The following SZT2 variants were observed in gnomAD, a reference collection of about 807,000 sequenced individuals.
SZT2 encodes the protein KICSTOR complex protein SZT2.
SZT2 carries 216 observed loss-of-function variants against 404.2 expected under a neutral mutation model. That is an observed-to-expected ratio of 0.53 (90% CI 0.48 to 0.60). The LOEUF (loss-of-function observed/expected upper bound fraction) is 0.60. Ranked by LOEUF, SZT2 falls within the 20% of genes least tolerant of loss-of-function variation. SZT2 has a pLI of 0.00. For missense variants in SZT2, 3,857 were observed against 4,459.2 expected (o/e 0.86, Z 3.85); for synonymous variants, 1,693 against 1,749.9 (o/e 0.97, Z 0.81).
Position 43,452,123 on chromosome 1 carries a change from C to T in SZT2, c.*1643C>T. On this transcript the variant is annotated 3_prime_UTR_variant, in exon 72 of 72. Transcript: ENST00000634258. ...TTCCTCTGACCTAGGCTGGCAGCCT[C>T]ACGTGCTGTCCCCACTGTGCACCCC... 3 of 1,487,350 alleles carry T rather than the reference C, an allele frequency of 2.0e-6. No individual in the cohort carries two copies. The highest frequency in any genetic ancestry group is 1.7e-4 in the Middle Eastern group (1 of 5,846). The allele number at this position is 1,487,350 out of a possible 1,614,324, so 92.1% of individuals were successfully genotyped here.
rs770941953 is a variant in SZT2, at chr1:43,443,406, A to G, written c.8554A>G (p.Thr2852Ala). ...QSSRLVHYCA[T>A]AMLFDPAAWL... ...ATCCCGCCTGGTGCATTACTGTGCA[A>G]CAGCCATGCTCTTCGACCCAGCTGC... The change falls in exon 61 of 72, where the codon ACA (threonine) becomes GCA (alanine). Residue 2852 changes from threonine to alanine, a missense_variant. Thr to Ala is a moderately conservative substitution (Grantham distance 58). Coordinates refer to ENST00000634258, the MANE Select transcript of SZT2 (RefSeq NM_001365999.1). 1.2e-6 allele frequency: 2 copies of G among 1,614,152 alleles called. No homozygotes were observed. The highest frequency in any genetic ancestry group is 8.5e-7 in the Non-Finnish European group (1 of 1,180,010).
In SZT2 at chr1:43,425,853, G is replaced by T; in HGVS notation, c.2833G>T (p.Ala945Ser). The T allele has an allele frequency of 6.2e-7, 1 of 1,614,030 alleles. No homozygotes were observed. The highest frequency in any genetic ancestry group is 8.5e-7 in the Non-Finnish European group (1 of 1,179,986). The change falls in exon 20 of 72, where the codon GCC becomes TCC. Residue 945 changes from alanine (A) to serine (S), a missense_variant. Ala to Ser is a moderately conservative substitution (Grantham distance 99). Transcript: ENST00000634258. The surrounding 1 kb of genome is among the most constrained non-coding windows in gnomAD (Gnocchi z 4.3). ...CCTGTAGCTCCACCCACGGGATGCT[G>T]CCTGCATAGGCTCCATGCTGAGCTT... ...IPQALHPRDA[A>S]CIGSMLSFEY...
In SZT2 at chr1:43,442,693, C is replaced by T. The variant is rs1655198966; in HGVS notation, c.8151+75C>T. ...TTAAAGGAAAAACCAGCTCAGAAGCCAGAAAGATGGGACAGACTGAGGGCA... is the reference window on the plus strand; with the variant it reads ...TTAAAGGAAAAACCAGCTCAGAAGCTAGAAAGATGGGACAGACTGAGGGCA... On this transcript the variant is annotated intron_variant, in intron 58 of 71. Coordinates refer to ENST00000634258, the MANE Select transcript of SZT2 (RefSeq NM_001365999.1). This position sits in a 1 kb window ranked among gnomAD's most constrained non-coding sequence, Gnocchi z 4.5. 6.5e-7 allele frequency: 1 copy of T among 1,533,852 alleles called. No individual in the cohort carries two copies. The highest frequency in any genetic ancestry group is 8.8e-7 in the Non-Finnish European group (1 of 1,142,096).
At chr1:43,413,171 G>A (rs1651282932) in intron 4 of SZT2, among the ~76,000 whole-genome samples, 1 of 152,118 alleles carries the variant, frequency 6.6e-6, no homozygotes. Context: ...GGAGGCCGAG[G>A]TGGGAGTTTG....
In SZT2 at chr1:43,426,657, A is replaced by G; in HGVS notation, c.3215-58A>G. The G allele has an allele frequency of 1.3e-6, 2 of 1,528,974 alleles. No homozygotes were observed. The highest frequency in any genetic ancestry group is 1.8e-6 in the Non-Finnish European group (2 of 1,127,894). 94.7% of individuals were successfully genotyped at this position (1,528,974 alleles called of 1,614,324 possible). A position where few individuals can be genotyped will look rare whatever the true frequency, so the allele number is the denominator to read the frequency against. The stretch of plus-strand genomic sequence containing the variant: ...CCCTTCCTCCCCCTTTCTTCAACCC[A>G]GAGTCCCGCCTCTCTGCTGGCCCTG... On this transcript the variant is annotated intron_variant, in intron 22 of 71. Transcript: ENST00000634258. This position sits in a 1 kb window ranked among gnomAD's most constrained non-coding sequence, Gnocchi z 4.9.
At chr1:43,417,990 T>C (rs772030515) in intron 7 of SZT2, among the ~76,000 whole-genome samples, 23 of 152,162 alleles carry the variant, frequency 1.5e-4, no homozygotes, top group Non-Finnish European at 2.8e-4. Flanking sequence ...CTTCTCACAA[T>C]GGTAACTACA....
rs557075170 is a variant in SZT2, at chr1:43,430,993, G to A, written c.4819G>A (p.Val1607Ile). 6.2e-7 allele frequency: 1 copy of A among 1,614,154 alleles called. No individual in the cohort carries two copies. Among genetic ancestry groups the A allele is most frequent in the Admixed American group, 1.7e-5 (1 of 60,020 alleles). ...GGAGGGCCCCCCAGTTGGAGGCCGAGTTCCCTTGAGGGACCTCAGTGTGAC... is the reference window on the plus strand; with the variant it reads ...GGAGGGCCCCCCAGTTGGAGGCCGAATTCCCTTGAGGGACCTCAGTGTGAC... ...SLEGPPVGGR[V>I]PLRDLSVTLD... Residue 1607 changes from valine to isoleucine, a missense_variant, in exon 33 of 72, where the codon GTT becomes ATT. By Grantham distance (29) the Val-to-Ile change is conservative. Transcript: ENST00000634258.
intron 1 of SZT2, among the ~76,000 whole-genome samples, chr1:43,392,001 G>T (rs1312980199): frequency 1.6e-5 from 1 of 60,724 alleles, no homozygotes; most frequent in Non-Finnish European, 3.3e-5. Flanking sequence ...GGAGAATGGC[G>T]TGAACCCGGG....
rs1266291265 is a variant in SZT2, at chr1:43,441,901, G to C, written c.7742+83G>C. ...CCTACAGGAAGCCAAACCTGAGGAA[G>C]CTGAGCTAGGAGAGGTGGAAACAAG... On this transcript the variant is annotated intron_variant, in intron 55 of 71. Transcript: ENST00000634258. This position sits in a 1 kb window ranked among gnomAD's most constrained non-coding sequence, Gnocchi z 4.8. 1 of 1,596,544 alleles carries C rather than the reference G, an allele frequency of 6.3e-7. No individual in the cohort carries two copies. Among genetic ancestry groups the C allele is most frequent in the African/African-American group, 1.3e-5 (1 of 74,560 alleles).
chr1:43,430,657 G>A lies in SZT2; in HGVS notation c.4642G>A (p.Gly1548Arg), dbSNP rs201357769. ...TGATGAAGACTCCTTCAGTATCTTG[G>A]GGGGCGACTCACCCACTGGGCCTGA... ...NPDEDSFSILGGDSPTGPESF... is the reference protein window; with the variant it reads ...NPDEDSFSILRGDSPTGPESF... Residue 1548 changes from glycine to arginine, a missense_variant, in exon 32 of 72, where the codon GGG becomes AGG. By Grantham distance (125) the Gly-to-Arg change is moderately radical (BLOSUM62 -2). Transcript: ENST00000634258. The A allele has an allele frequency of 1.2e-6, 2 of 1,614,140 alleles. No homozygotes were observed. Among genetic ancestry groups the A allele is most frequent in the Middle Eastern group, 3.3e-4 (2 of 6,062 alleles).
chr1:43,398,847 G>A (rs1323815093), intron 1 of SZT2, among the ~76,000 whole-genome samples: 9 of 152,084 alleles, frequency 5.9e-5, no homozygotes, highest in African/African-American at 2.2e-4. Context: ...TTTGGGAGGT[G>A]GAGGCGGGCA....
intron 41 of SZT2, among the ~76,000 whole-genome samples, chr1:43,434,751 A>G (rs940420999): frequency 2.6e-5 from 4 of 152,154 alleles, no homozygotes; most frequent in Non-Finnish European, 5.9e-5. Context: ...CTGTGCTAGC[A>G]TTAGTGATAT....
chr1:43,409,938 A>T (rs1269301575), intron 4 of SZT2: 1 of 152,378 alleles, frequency 6.6e-6, no homozygotes, highest in African/African-American at 2.4e-5. Flanking sequence ...ACCACAAAAG[A>T]CCCAGAATAG....
rs1656764767 is a variant in SZT2 at position 43,453,988 on chromosome 1, A to C, written c.*3508A>C. On this transcript the variant is annotated 3_prime_UTR_variant, in exon 72 of 72. Coordinates refer to ENST00000634258, the MANE Select transcript of SZT2 (RefSeq NM_001365999.1). ...GCCTACGGTTAGCGAGAGAGGGATCACGGGGAGAGGCGAAGGGGCGGAGCG... is the reference window on the plus strand; with the variant it reads ...GCCTACGGTTAGCGAGAGAGGGATCCCGGGGAGAGGCGAAGGGGCGGAGCG... The C allele has an allele frequency of 5.1e-6, 6 of 1,184,522 alleles. No homozygotes were observed. Among genetic ancestry groups the C allele is most frequent in the Non-Finnish European group, 5.2e-6 (5 of 957,798 alleles). 73.4% of individuals were successfully genotyped at this position (1,184,522 alleles called of 1,614,324 possible). A position where few individuals can be genotyped will look rare whatever the true frequency, so the allele number is the denominator to read the frequency against.
chr1:43,397,254 C>T lies in SZT2; in HGVS notation c.28-5923C>T, dbSNP rs182239286. On this transcript the variant is annotated intron_variant, in intron 1 of 71. Coordinates refer to ENST00000634258, the MANE Select transcript of SZT2 (RefSeq NM_001365999.1). Reference sequence around the variant, plus strand: ...GAGACCAGGCTAACATGGCAAAACCCTGTCTCTACTGAAAATACAAAAATT... The same window carrying T: ...GAGACCAGGCTAACATGGCAAAACCTTGTCTCTACTGAAAATACAAAAATT... Among the ~76,000 whole-genome samples the T allele has an allele frequency of 4.5e-3, 686 of 151,912 alleles. 8 individuals are homozygous for T. The highest frequency in any genetic ancestry group is 0.016 in the African/African-American group (659 of 41,464).
At position 43,423,153 on chromosome 1, in the gene SZT2, C is replaced by G; in HGVS notation, c.2092C>G (p.Gln698Glu). 1 of 1,597,124 alleles carries G rather than the reference C, an allele frequency of 6.3e-7. No homozygotes were observed. The highest frequency in any genetic ancestry group is 1.1e-5 in the South Asian group (1 of 90,844). Residue 698 changes from glutamine (Q) to glutamate (E), a missense_variant, in exon 15 of 72, where the codon CAA becomes GAA. Transcript: ENST00000634258. ...ILRLRFPHRV[Q>E]SKEPTPKVKR... ...GCGGCTGCGTTTCCCCCACCGGGTA[C>G]AAAGCAAGGAGCCAACGCCCAAGGT...
rs750949818 is a variant in SZT2 at position 43,423,185 on chromosome 1, A to G, written c.2124A>G (p.Arg708=). Residue 708 remains arginine, a synonymous_variant, in exon 15 of 72, where the codon CGA becomes CGG. Transcript: ENST00000634258. ...QSKEPTPKVK[R]KGLGGAGGGS... is the part of the protein sequence containing the mutation. ...AGGAGCCAACGCCCAAGGTGAAACG[A>G]AAAGGGCTAGGGGGTGCTGGTGGGG... The G allele has an allele frequency of 2.5e-6, 4 of 1,597,524 alleles. No homozygotes were observed. Among genetic ancestry groups the G allele is most frequent in the Non-Finnish European group, 3.4e-6 (4 of 1,179,490 alleles).
At chr1:43,409,274 G>A (rs1557521748) in intron 4 of SZT2, among the ~76,000 whole-genome samples, 1 of 152,120 alleles carries the variant, frequency 6.6e-6, no homozygotes, top group Non-Finnish European at 1.5e-5. Context: ...GGTAAGCAGG[G>A]CGTTCCTATT....
At chr1:43,432,147 T>C (rs1653970994) in intron 36 of SZT2, 125 bp from the exon 37 acceptor site, 4 of 1,165,004 alleles carry the variant, frequency 3.4e-6, no homozygotes, top group Non-Finnish European at 4.9e-6. Flanking sequence ...TTTTCTTACC[T>C]CAGCAGTGGG....
Sources: gnomAD v4.1 joint callset for allele counts (sites outside exome capture counted in the v4.1 genomes callset) on GRCh38, gnomAD v4.1.1 for gene constraint, Gnocchi (gnomAD v3.1) non-coding constraint, MANE v1.5 for transcripts, NCBI Gene and HGNC (gene_info 2026-07-23, HGNC 2026-07-21) for gene names.